Variants in NLRC4 observed in about 807,000 individuals in gnomAD.
NLRC4 encodes the protein NLR family CARD domain containing 4.
Under a neutral mutation model 79.9 loss-of-function variants are expected in NLRC4, and 63 were observed. The ratio of observed to expected loss-of-function variants is 0.79; its 90% CI spans 0.64 to 0.97. The LOEUF is 0.97. NLRC4 is among the 50% of genes least tolerant of loss of function. The pLI, the probability that NLRC4 is intolerant of heterozygous loss-of-function variation, is 0.00. For missense variants in NLRC4, 1,074 were observed against 1,215.2 expected, an observed-to-expected ratio of 0.88 and a Z score of 1.73; for synonymous variants, 461 against 456.5, an observed-to-expected ratio of 1.01 and a Z score of -0.12.
chr2:32,259,464 A>C (rs1380266553), intron 1 of NLRC4, among the ~76,000 whole-genome samples: 1 of 151,464 alleles, frequency 6.6e-6, no homozygotes, highest in African/African-American at 2.4e-5. Flanking sequence ...CCATCCCTCT[A>C]TTCATTTATC....
At chr2:32,243,811 A>G (rs1040576241) in intron 4 of NLRC4, among the ~76,000 whole-genome samples, 2 of 151,980 alleles carry the variant, frequency 1.3e-5, no homozygotes, top group African/African-American at 4.8e-5. Flanking sequence ...AAAAAAAAAA[A>G]AGAATATTAC....
intron 8 of NLRC4, among the ~76,000 whole-genome samples, chr2:32,230,401 G>A (rs1232060312): frequency 1.3e-5 from 2 of 151,858 alleles, no homozygotes; most frequent in East Asian, 3.9e-4. Context: ...CTGACCTCAG[G>A]TGACCCACCC....
At position 32,241,114 on chromosome 2, in the gene NLRC4, C is replaced by G; in HGVS notation, c.2269G>C (p.Asp757His). Residue 757 changes from aspartate to histidine, a missense_variant, in exon 5 of 9, where the codon GAC (aspartate) becomes CAC (histidine). Transcript: ENST00000402280. ...AGGTTCTTCAAGTTACCCAAGCTGT[C>G]AGTCAGACCACCTGTCAAAAGAAAA... ...QNQRLPGGLT[D>H]SLGNLKNLTK... is the part of the protein sequence containing the mutation. 6.2e-7 allele frequency: 1 copy of G among 1,600,904 alleles called. No homozygotes were observed. Among genetic ancestry groups the G allele is most frequent in the Non-Finnish European group, 8.5e-7 (1 of 1,170,686 alleles).
At chr2:32,252,064 A>T (rs973936821) in intron 3 of NLRC4, among the ~76,000 whole-genome samples, 4 of 152,216 alleles carry the variant, frequency 2.6e-5, no homozygotes, top group Non-Finnish European at 5.9e-5. Flanking sequence ...GACATGGAGT[A>T]GGTAGTCAGC....
intron 8 of NLRC4, among the ~76,000 whole-genome samples, chr2:32,234,989 A>G (rs573564675): frequency 1.4e-4 from 22 of 152,354 alleles, no homozygotes; most frequent in Admixed American, 1.3e-3. Context: ...GTTTCTGGAT[A>G]ATATTACAGC....
chr2:32,242,187 A>G (rs1385247278), intron 4 of NLRC4, among the ~76,000 whole-genome samples: 1 of 152,126 alleles, frequency 6.6e-6, no homozygotes, highest in Non-Finnish European at 1.5e-5. Context: ...AATCAAAATT[A>G]TAAACAGGTA....
chr2:32,227,544 A>T (rs1040226823), intron 8 of NLRC4, among the ~76,000 whole-genome samples: 1 of 152,148 alleles, frequency 6.6e-6, no homozygotes, highest in East Asian at 1.9e-4. Context: ...TTCCCCAAAG[A>T]TCAACTTTTT....
At chr2:32,259,290 T>TTTTTTTTTTTTTTTTTTTTTTTG (rs1687283988) in intron 1 of NLRC4, among the ~76,000 whole-genome samples, 1 of 131,034 alleles carries the variant, frequency 7.6e-6, no homozygotes, top group Non-Finnish European at 1.6e-5. Context: ...TTTTTTTTTT[T>TTTTTTTTTTTTTTTTTTTTTTTG]AGAGACAGAG....
chr2:32,233,913 A>C (rs1251135935), intron 8 of NLRC4, among the ~76,000 whole-genome samples: 1 of 152,122 alleles, frequency 6.6e-6, no homozygotes, highest in Non-Finnish European at 1.5e-5. Context: ...ATTGGGTTCT[A>C]TCTCTCTCTT....
At chr2:32,257,021 C>A in intron 1 of NLRC4, 128 bp from the exon 2 acceptor site, 1 of 471,260 alleles carries the variant, frequency 2.1e-6, no homozygotes, top group Non-Finnish European at 3.8e-6. Flanking sequence ...CGCTCAAAGC[C>A]CCTGGCTATT....
intron 4 of NLRC4, 57 bp downstream of exon 4, chr2:32,249,550 A>G: frequency 5.1e-6 from 7 of 1,365,956 alleles, no homozygotes; most frequent in Non-Finnish European, 6.0e-6. Flanking sequence ...TTCCAAATTT[A>G]TACACTGTTA....
chr2:32,250,787 T>C lies in NLRC4; in HGVS notation c.1077A>G (p.Gln359=), dbSNP rs1687056266. 6.2e-7 allele frequency: 1 copy of C among 1,614,178 alleles called. No individual in the cohort carries two copies. Among genetic ancestry groups the C allele is most frequent in the Non-Finnish European group, 8.5e-7 (1 of 1,180,002 alleles). ...MGESEFHSHT[Q]TTLFHTFYDL... ...CATAGAAGGTATGGAACAGCGTTGT[T>C]TGTGTGTGAGAGTGGAACTCACTTT... Residue 359 remains glutamine, a synonymous_variant, in exon 4 of 9, where the codon CAA becomes CAG. Coordinates refer to ENST00000402280, the MANE Select transcript of NLRC4 (RefSeq NM_001199138.2). The surrounding 1 kb of genome is among the most constrained non-coding windows in gnomAD (Gnocchi z 4.9).
intron 7 of NLRC4, 60 bp downstream of exon 7, chr2:32,236,185 GTA>G (rs1686668314): frequency 9.9e-7 from 1 of 1,007,906 alleles, no homozygotes; most frequent in South Asian, 1.4e-5. Flanking sequence ...CCCAGGCTAT[GTA>G]TTTCGACTAC....
chr2:32,250,629 T>C lies in NLRC4; in HGVS notation c.1235A>G (p.Asp412Gly), dbSNP rs1687051212. The part of the protein sequence containing the change: ...FSHKFDFELQ[D>G]VSSVNEDVLL... ...GACATCCTCATTCACGCTGGACACA[T>C]CCTGCAGTTCGAAATCAAACTTGTG... Residue 412 changes from aspartate to glycine, a missense_variant, in exon 4 of 9, where the codon GAT (aspartate) becomes GGT (glycine). Physicochemically the swap from Asp to Gly is moderately conservative, Grantham distance 94. Transcript: ENST00000402280. This position sits in a 1 kb window ranked among gnomAD's most constrained non-coding sequence, Gnocchi z 4.9. 4 of 1,614,156 alleles carry C rather than the reference T, an allele frequency of 2.5e-6. No individual in the cohort carries two copies. Among genetic ancestry groups the C allele is most frequent in the Non-Finnish European group, 2.5e-6 (3 of 1,180,034 alleles).
At chr2:32,256,179 A>C (rs914498594) in intron 2 of NLRC4, among the ~76,000 whole-genome samples, 2 of 152,148 alleles carry the variant, frequency 1.3e-5, no homozygotes, top group African/African-American at 4.8e-5. Flanking sequence ...TCTTTTCAGA[A>C]TATCTCTTTG....
At chr2:32,238,417 T>A in intron 5 of NLRC4, 115 bp from the exon 6 acceptor site, 1 of 828,346 alleles carries the variant, frequency 1.2e-6, no homozygotes, top group South Asian at 1.8e-5. Context: ...GCCATGTTCT[T>A]CCTGCAGCGA....
rs76497514 is a variant in NLRC4, at chr2:32,245,542, G to A, written c.2257+4065C>T. ...AAAAATACTTAGAAGGGATAAATAA[G>A]ATCTAGTATTTGATAGCACAACATA... On this transcript the variant is annotated intron_variant, in intron 4 of 8. Coordinates refer to ENST00000402280, the MANE Select transcript of NLRC4 (RefSeq NM_001199138.2). 8.3e-3 allele frequency among the ~76,000 whole-genome samples: 1,265 copies of A among 152,172 alleles called. 22 individuals are homozygous for A. The highest frequency in any genetic ancestry group is 0.028 in the African/African-American group (1,178 of 41,532).
rs898392491 is a variant in NLRC4, at chr2:32,224,718, A to T, written c.2830T>A (p.Leu944Met). Residue 944 changes from leucine (L) to methionine (M), a missense_variant, in exon 9 of 9, where the codon TTG becomes ATG. Leu to Met is a conservative substitution (Grantham distance 15). Transcript: ENST00000402280. ...TCACTGCTCACACGATTTCCCGCCAAATTCAACTGCTGGAAGTTTTTCAGA... is the reference window on the plus strand; with the variant it reads ...TCACTGCTCACACGATTTCCCGCCATATTCAACTGCTGGAAGTTTTTCAGA... ...NPLKNFQQLN[L>M]AGNRVSSDGW... 1 of 1,600,990 alleles carries T rather than the reference A, an allele frequency of 6.2e-7. No individual in the cohort carries two copies. Among genetic ancestry groups the T allele is most frequent in the Non-Finnish European group, 8.5e-7 (1 of 1,174,298 alleles).
intron 1 of NLRC4, among the ~76,000 whole-genome samples, chr2:32,260,029 G>C (rs1430817661): frequency 6.6e-6 from 1 of 152,050 alleles, no homozygotes; most frequent in East Asian, 1.9e-4. Flanking sequence ...AGGAGTTCAA[G>C]ACCAGCCTGG....
Sources: gnomAD v4.1 joint callset for allele counts (sites outside exome capture counted in the v4.1 genomes callset) on GRCh38, gnomAD v4.1.1 for gene constraint, Gnocchi (gnomAD v3.1) non-coding constraint, MANE v1.5 for transcripts, NCBI Gene and HGNC (gene_info 2026-07-23, HGNC 2026-07-21) for gene names.